Variants in RAB4B observed in about 807,000 individuals in gnomAD.
RAB4B encodes RAB4B, member RAS oncogene family, also known as ras-related protein Rab-4B.
A neutral mutation model predicts 28.3 loss-of-function variants in RAB4B; 15 were observed. The observed-to-expected ratio is 0.53, with a 90% confidence interval of 0.35 to 0.82. The LOEUF (loss-of-function observed/expected upper bound fraction) is 0.82, where lower values mean the gene tolerates loss of function less well. Ranked by LOEUF, RAB4B falls within the 40% of genes least tolerant of loss-of-function variation. The pLI, the probability that RAB4B is intolerant of heterozygous loss-of-function variation, is 0.01. For synonymous variants in RAB4B, 108 were observed against 116.3 expected (o/e 0.93, Z 0.46); for missense variants, 244 against 288.5 (o/e 0.85, Z 1.12).
intron 7 of RAB4B, among the ~76,000 whole-genome samples, chr19:40,795,514 C>A (rs1303140658): frequency 1.3e-5 from 2 of 151,822 alleles, no homozygotes; most frequent in Non-Finnish European, 2.9e-5. Context: ...ATTCTCCTGC[C>A]TCAGCCTCCC....
At chr19:40,793,565 C>CTTTT (rs1269603015) in intron 7 of RAB4B, among the ~76,000 whole-genome samples, 3 of 123,836 alleles carry the variant, frequency 2.4e-5, no homozygotes, top group South Asian at 5.5e-4. Flanking sequence ...CTTTTCTTTT[C>CTTTT]TTTTTTGTTT....
At chr19:40,787,031 G>A (rs1167487648) in intron 7 of RAB4B, 53 bp downstream of exon 7, 1 of 1,431,404 alleles carries the variant, frequency 7.0e-7, no homozygotes, top group Non-Finnish European at 9.7e-7. Context: ...GCATGGGGGA[G>A]ATGGTGTGGA....
intron 5 of RAB4B, 22 bp downstream of exon 5, chr19:40,784,097 AGGTGGT>A: frequency 6.3e-7 from 1 of 1,588,260 alleles, no homozygotes; most frequent in Non-Finnish European, 8.6e-7. Flanking sequence ...GTCGTGGACC[AGGTGGT>A]GGTGGGGGTG....
intron 7 of RAB4B, among the ~76,000 whole-genome samples, chr19:40,793,345 C>G (rs2083176337): frequency 6.6e-6 from 1 of 151,940 alleles, no homozygotes; most frequent in Non-Finnish European, 1.5e-5. Flanking sequence ...AGTGTTTCTC[C>G]CACCTCAGCC....
intron 7 of RAB4B, among the ~76,000 whole-genome samples, chr19:40,795,784 C>T (rs1488595324): frequency 2.0e-5 from 3 of 151,132 alleles, no homozygotes; most frequent in Admixed American, 6.6e-5. Context: ...GTCAGCTCAC[C>T]GTAACTTCTG....
chr19:40,784,246 G>T (rs1374831234), intron 5 of RAB4B, among the ~76,000 whole-genome samples, 171 bp downstream of exon 5: 2 of 152,070 alleles, frequency 1.3e-5, no homozygotes, highest in African/African-American at 4.8e-5. Context: ...AATCCCAGCA[G>T]TTTGGGAGGC....
At chr19:40,783,367 G>T (rs1246800228) in intron 3 of RAB4B, among the ~76,000 whole-genome samples, 1 of 151,662 alleles carries the variant, frequency 6.6e-6, no homozygotes, top group Admixed American at 6.6e-5. Flanking sequence ...GGGATACTGA[G>T]CCTAGGAGGT....
chr19:40,780,684 G>A (rs2083038327), intron 3 of RAB4B, among the ~76,000 whole-genome samples, 185 bp downstream of exon 3: 1 of 151,934 alleles, frequency 6.6e-6, no homozygotes, highest in African/African-American at 2.4e-5. Flanking sequence ...TAAAGAGATG[G>A]TGGAAGAAAA....
intron 1 of RAB4B, chr19:40,778,923 G>A (rs553673689): frequency 5.1e-6 from 5 of 985,250 alleles, no homozygotes; most frequent in South Asian, 9.3e-5. Flanking sequence ...AGGTCGGGAA[G>A]TGGAAAATCA....
In RAB4B at chr19:40,783,776, A is replaced by G; in HGVS notation, c.213-2A>G. 6.7e-7 allele frequency: 1 copy of G among 1,491,750 alleles called. No individual in the cohort carries two copies. The highest frequency in any genetic ancestry group is 9.0e-7 in the Non-Finnish European group (1 of 1,108,950). 92.4% of individuals were successfully genotyped at this position (1,491,750 alleles called of 1,614,324 possible). The stretch of plus-strand genomic sequence containing the variant: ...GGTGACTGGGTCCCCCTGGCCCCAC[A>G]GGTCAGTGACGCGGAGTTATTACCG... On this transcript the variant is annotated splice_acceptor_variant, in intron 3 of 7. Transcript: ENST00000357052. LOFTEE classifies it high-confidence loss of function.
At chr19:40,785,603 T>G (rs999242916) in intron 5 of RAB4B, 1 of 152,256 alleles carries the variant, frequency 6.6e-6, no homozygotes, top group Admixed American at 6.5e-5. Context: ...GAGATCTGCC[T>G]GTGTTCCCCT....
At chr19:40,790,172 C>T (rs2083143627) in intron 7 of RAB4B, among the ~76,000 whole-genome samples, 1 of 151,990 alleles carries the variant, frequency 6.6e-6, no homozygotes, top group South Asian at 2.1e-4. Flanking sequence ...GTTCCTCTGG[C>T]TGCATAAAGG....
At chr19:40,794,997 C>CAAAAAAAAAAAAAAAA (rs59417778) in intron 7 of RAB4B, among the ~76,000 whole-genome samples, 1 of 99,940 alleles carries the variant, frequency 1.0e-5, no homozygotes, top group African/African-American at 4.4e-5. Flanking sequence ...ACTAAAAATA[C>CAAAAAAAAAAAAAAAA]AAAAAAAAAA....
rs375836938 is a variant in RAB4B, at chr19:40,786,964, G to C, written c.*1G>C. 38 of 1,613,460 alleles carry C rather than the reference G, an allele frequency of 2.4e-5. No individual in the cohort carries two copies. The highest frequency in any genetic ancestry group is 3.3e-5 in the Admixed American group (2 of 59,984). The stretch of plus-strand genomic sequence containing the variant: ...GGCCCCTCAGCCGTGTGGCTGCTGA[G>C]CTCTGTGGAGCCAGGTGGGACACTG... On this transcript the variant is annotated 3_prime_UTR_variant, in exon 7 of 8. Coordinates refer to ENST00000357052, the MANE Select transcript of RAB4B (RefSeq NM_016154.5).
intron 3 of RAB4B, among the ~76,000 whole-genome samples, chr19:40,783,200 G>A (rs1174745285): frequency 6.7e-6 from 1 of 148,548 alleles, no homozygotes; most frequent in East Asian, 2.0e-4. Context: ...CATAGGTTAA[G>A]GCAGGAGAAT....
Position 40,783,947 on chromosome 19 carries a change from C to T in RAB4B, c.302C>T (p.Ala101Val), listed in dbSNP as rs775977385. 6.2e-7 allele frequency: 1 copy of T among 1,612,588 alleles called. No individual in the cohort carries two copies. Among genetic ancestry groups the T allele is most frequent in the Non-Finnish European group, 8.5e-7 (1 of 1,178,854 alleles). The change falls in exon 5 of 8, where the codon GCC becomes GTC. Residue 101 changes from alanine to valine, a missense_variant. Physicochemically the swap from Ala to Val is moderately conservative, Grantham distance 64. Transcript: ENST00000357052. ...TSRETYNSLA[A>V]WLTDARTLAS... ...CGGGAGACATACAACTCACTGGCTG[C>T]CTGGCTGACGGATGCCCGCACCCTG...
At position 40,780,086 on chromosome 19, in the gene RAB4B, C is replaced by G; in HGVS notation, c.84C>G (p.Phe28Leu). 6.2e-7 allele frequency: 1 copy of G among 1,612,312 alleles called. No homozygotes were observed. Among genetic ancestry groups the G allele is most frequent in the Non-Finnish European group, 8.5e-7 (1 of 1,178,370 alleles). Residue 28 changes from phenylalanine to leucine, a missense_variant, in exon 2 of 8, where the codon TTC becomes TTG. Physicochemically the swap from Phe to Leu is conservative, Grantham distance 22. Coordinates refer to ENST00000357052, the MANE Select transcript of RAB4B (RefSeq NM_016154.5). ...GCAAATCATGTCTCCTTCATCAGTTCATTGAGAATAAGTGTGAGTTTCCCG... is the reference window on the plus strand; with the variant it reads ...GCAAATCATGTCTCCTTCATCAGTTGATTGAGAATAAGTGTGAGTTTCCCG... ...GTGKSCLLHQ[F>L]IENKFKQDSN...
intron 7 of RAB4B, among the ~76,000 whole-genome samples, chr19:40,793,253 T>TC (rs111627005): frequency 0.011 from 1,700 of 151,244 alleles, 38 homozygotes; most frequent in African/African-American, 0.039. Context: ...CTTTTTTTTT[T>TC]GAGAAGGGTC....
At chr19:40,795,339 G>C (rs1038572403) in intron 7 of RAB4B, among the ~76,000 whole-genome samples, 1 of 151,774 alleles carries the variant, frequency 6.6e-6, no homozygotes, top group Non-Finnish European at 1.5e-5. Flanking sequence ...GGAACATAGA[G>C]GGACACAGAA....
Sources: allele counts gnomAD v4.1 joint callset (sites outside exome capture counted in the v4.1 genomes callset), GRCh38; gene constraint gnomAD v4.1.1; transcripts MANE v1.5; gene names NCBI Gene and HGNC (gene_info 2026-07-23, HGNC 2026-07-21).